The following RRP15 variants were observed in gnomAD, a reference collection of about 807,000 sequenced individuals.
The protein encoded by RRP15 is RRP15-like protein.
A neutral mutation model predicts 27.1 loss-of-function variants in RRP15; 18 were observed. That is an observed-to-expected ratio of 0.66 (90% CI 0.46 to 0.98). The LOEUF is 0.98. RRP15 is among the 50% of genes least tolerant of loss of function. RRP15 has a pLI of 0.00. For missense variants in RRP15, 359 were observed against 337.8 expected, an observed-to-expected ratio of 1.06 and a Z score of -0.49; for synonymous variants, 107 against 109.4, an observed-to-expected ratio of 0.98 and a Z score of 0.14.
At chr1:218,293,248 A>G (rs548129193) in intron 1 of RRP15, among the ~76,000 whole-genome samples, 3 of 152,272 alleles carry the variant, frequency 2.0e-5, no homozygotes, top group African/African-American at 7.2e-5. Context: ...AGATGGGACA[A>G]TTCTTCTTTG....
At chr1:218,286,784 C>T (rs928157687) in intron 1 of RRP15, among the ~76,000 whole-genome samples, 3 of 152,180 alleles carry the variant, frequency 2.0e-5, no homozygotes, top group Admixed American at 6.5e-5. Flanking sequence ...GAGTCTTCAT[C>T]TCCTGCCACA....
chr1:218,336,876 T>TA lies in RRP15; in HGVS notation c.*5786dup, dbSNP rs1656458187. 1 of 152,194 alleles carries TA rather than the reference T, an allele frequency of 6.6e-6. No individual in the cohort carries two copies. The allele number at this position is 152,194 out of a possible 1,614,324, so 9.4% of individuals were successfully genotyped here. Reference sequence around the variant, plus strand: ...GACATGACTGCCGTATCTTGGTCCTTACTAGGATTCCCAAATATACTCCTT... The same window carrying TA: ...GACATGACTGCCGTATCTTGGTCCTTAACTAGGATTCCCAAATATACTCCTT... On this transcript the variant is annotated 3_prime_UTR_variant, in exon 5 of 5. Transcript: ENST00000366932.
At chr1:218,307,681 A>G in intron 4 of RRP15, 49 bp downstream of exon 4, 3 of 1,271,526 alleles carry the variant, frequency 2.4e-6, no homozygotes, top group Non-Finnish European at 3.4e-6. Flanking sequence ...CAGCTCTAAA[A>G]CTAGTCTTGA....
intron 3 of RRP15, among the ~76,000 whole-genome samples, chr1:218,306,618 G>C (rs1655902896): frequency 6.6e-6 from 1 of 152,190 alleles, no homozygotes; most frequent in Non-Finnish European, 1.5e-5. Flanking sequence ...CAGAATTTTA[G>C]AGCCGGAAGG....
In RRP15 at chr1:218,315,616, T is replaced by A. The variant is rs142155838; in HGVS notation, c.705+7984T>A. ...CTTTATTTTTTTATTATTTTATTTT[T>A]TTTTTTTTGTATTTTTAGTAGAGAT... On this transcript the variant is annotated intron_variant, in intron 4 of 4. Transcript: ENST00000366932. Among the ~76,000 whole-genome samples the A allele has an allele frequency of 3.2e-3, 491 of 151,612 alleles. 6 individuals are homozygous for A. In the East Asian group the frequency reaches 0.035, roughly 11 times the overall value.
At chr1:218,319,553 G>A (rs910729799) in intron 4 of RRP15, among the ~76,000 whole-genome samples, 3 of 152,132 alleles carry the variant, frequency 2.0e-5, no homozygotes, top group Admixed American at 6.5e-5. Flanking sequence ...GGGACAGGAT[G>A]TCCAGCCCAA....
At position 218,331,283 on chromosome 1, in the gene RRP15, T is replaced by C; in HGVS notation, c.*192T>C. 2.3e-6 allele frequency: 1 copy of C among 439,914 alleles called. No individual in the cohort carries two copies. Among genetic ancestry groups the C allele is most frequent in the Admixed American group, 3.9e-5 (1 of 25,860 alleles). The allele number at this position is 439,914 out of a possible 1,614,324, so 27.3% of individuals were successfully genotyped here. Reference sequence around the variant, plus strand: ...ATTATATTTTAAACCCTTGTATAATTTTAAGCATTGTTCCTCAGAACATTT... The same window carrying C: ...ATTATATTTTAAACCCTTGTATAATCTTAAGCATTGTTCCTCAGAACATTT... On this transcript the variant is annotated 3_prime_UTR_variant, in exon 5 of 5. Coordinates refer to ENST00000366932, the MANE Select transcript of RRP15 (RefSeq NM_016052.4).
Position 218,289,734 on chromosome 1 carries a change from G to A in RRP15, c.139+4279G>A, listed in dbSNP as rs187502222. ...TTTTGCTCTTGTTGCCCAGGCTGGA[G>A]TGCAATGGTATGATCTCAGGTCACC... On this transcript the variant is annotated intron_variant, in intron 1 of 4. Coordinates refer to ENST00000366932, the MANE Select transcript of RRP15 (RefSeq NM_016052.4). Among the ~76,000 whole-genome samples, 41 of 152,324 alleles carry A rather than the reference G, an allele frequency of 2.7e-4. No individual in the cohort carries two copies. The East Asian group carries it at 5.6e-3, about 21-fold the overall frequency.
intron 1 of RRP15, among the ~76,000 whole-genome samples, chr1:218,296,103 G>A (rs928715965): frequency 7.2e-5 from 11 of 152,114 alleles, no homozygotes; most frequent in Admixed American, 6.5e-4. Flanking sequence ...TGAGCAGACT[G>A]TTCAGCTTAA....
In RRP15 at chr1:218,307,489, G is replaced by C. The variant is rs1490341083; in HGVS notation, c.562G>C (p.Val188Leu). The C allele has an allele frequency of 1.9e-6, 3 of 1,613,990 alleles. No homozygotes were observed. The highest frequency in any genetic ancestry group is 2.5e-6 in the Non-Finnish European group (3 of 1,179,954). Residue 188 changes from valine (V) to leucine (L), a missense_variant, in exon 4 of 5, where the codon GTT becomes CTT. Physicochemically the swap from Val to Leu is conservative, Grantham distance 32. Coordinates refer to ENST00000366932, the MANE Select transcript of RRP15 (RefSeq NM_016052.4). ...QKHQKNVDEK[V>L]KEAGSSMRKR... ...ACATCAAAAGAATGTTGATGAAAAGGTTAAGGAAGCTGGAAGTTCTATGAG... is the reference window on the plus strand; with the variant it reads ...ACATCAAAAGAATGTTGATGAAAAGCTTAAGGAAGCTGGAAGTTCTATGAG...
intron 4 of RRP15, among the ~76,000 whole-genome samples, chr1:218,325,142 G>A (rs1311554244): frequency 6.6e-6 from 1 of 152,136 alleles, no homozygotes; most frequent in South Asian, 2.1e-4. Flanking sequence ...CAGCGGTTTT[G>A]TCAAGTTAAA....
At chr1:218,308,135 G>A (rs543724744) in intron 4 of RRP15, among the ~76,000 whole-genome samples, 9 of 134,332 alleles carry the variant, frequency 6.7e-5, no homozygotes, top group Admixed American at 1.6e-4. Context: ...GCAGTGGCGC[G>A]ATCTCGGCTC....
chr1:218,337,629 A>G lies in RRP15; in HGVS notation c.*6538A>G, dbSNP rs1656469643. On this transcript the variant is annotated 3_prime_UTR_variant, in exon 5 of 5. Coordinates refer to ENST00000366932, the MANE Select transcript of RRP15 (RefSeq NM_016052.4). Reference sequence around the variant, plus strand: ...TGCCAACAATGCATGAGGTGAATAGAATAAGACTTTTTTTTAAAGAATGTA... The same window carrying G: ...TGCCAACAATGCATGAGGTGAATAGGATAAGACTTTTTTTTAAAGAATGTA... 6.6e-6 allele frequency: 1 copy of G among 152,210 alleles called. No homozygotes were observed. The highest frequency in any genetic ancestry group is 2.4e-5 in the African/African-American group (1 of 41,454). The allele number at this position is 152,210 out of a possible 1,614,324, so 9.4% of individuals were successfully genotyped here. A position where few individuals can be genotyped will look rare whatever the true frequency, so the allele number is the denominator to read the frequency against.
At chr1:218,293,406 A>G (rs1462381585) in intron 1 of RRP15, among the ~76,000 whole-genome samples, 1 of 152,254 alleles carries the variant, frequency 6.6e-6, no homozygotes, top group Non-Finnish European at 1.5e-5. Context: ...TAAGTTATCA[A>G]AAACTTTTAT....
At chr1:218,302,654 G>A (rs905266179) in intron 2 of RRP15, 95 bp downstream of exon 2, 41 of 1,507,994 alleles carry the variant, frequency 2.7e-5, no homozygotes, top group East Asian at 1.1e-4. Flanking sequence ...ACCAATTAAC[G>A]TTCCAGTTTT....
chr1:218,321,317 T>A (rs145008244), intron 4 of RRP15, among the ~76,000 whole-genome samples: 78 of 152,374 alleles, frequency 5.1e-4, no homozygotes, highest in African/African-American at 1.7e-3. Flanking sequence ...ACTTTTCATT[T>A]GATATAAGCA....
intron 1 of RRP15, among the ~76,000 whole-genome samples, chr1:218,294,684 A>G (rs1655694383): frequency 6.6e-6 from 1 of 151,960 alleles, no homozygotes; most frequent in Non-Finnish European, 1.5e-5. Flanking sequence ...ACTTCATTAC[A>G]TAAGCATGGT....
At chr1:218,327,177 T>C (rs1294336021) in intron 4 of RRP15, among the ~76,000 whole-genome samples, 1 of 152,242 alleles carries the variant, frequency 6.6e-6, no homozygotes, top group Non-Finnish European at 1.5e-5. Context: ...AATATAGCAG[T>C]TGAGCAAGAC....
At chr1:218,305,269 C>A in intron 3 of RRP15, 144 bp downstream of exon 3, 1 of 595,678 alleles carries the variant, frequency 1.7e-6, no homozygotes, top group Non-Finnish European at 3.0e-6. Flanking sequence ...ACACTGAATT[C>A]AACCAAAGAT....
Sources: gnomAD v4.1 joint callset for allele counts (sites outside exome capture counted in the v4.1 genomes callset) on GRCh38, gnomAD v4.1.1 for gene constraint, MANE v1.5 for transcripts, NCBI Gene and HGNC (gene_info 2026-07-23, HGNC 2026-07-21) for gene names.